Variants in LIPC observed in about 807,000 individuals in gnomAD.
LIPC encodes hepatic triacylglycerol lipase.
LIPC carries 44 observed loss-of-function variants against 50.7 expected under a neutral mutation model. The ratio of observed to expected loss-of-function variants is 0.87; its 90% CI spans 0.68 to 1.11. The LOEUF (loss-of-function observed/expected upper bound fraction) is 1.11. Ranked by LOEUF, LIPC falls within the 50% of genes most tolerant of loss-of-function variation. The pLI is 0.00. For synonymous variants in LIPC, 271 were observed against 256.4 expected (o/e 1.06, Z -0.54); for missense variants, 697 against 648.2 (o/e 1.08, Z -0.82).
rs757699416 is a variant in LIPC, at chr15:58,490,210, G to A, written c.89-48123G>A. Among the ~76,000 whole-genome samples the A allele has an allele frequency of 3.3e-5, 5 of 152,136 alleles. No homozygotes were observed. In the East Asian group the frequency reaches 5.8e-4, roughly 18 times the overall value. On this transcript the variant is annotated intron_variant, in intron 1 of 8. Transcript: ENST00000299022. ...TTAGGACTTAAACATGCGTGGGGTC[G>A]GGAAGATGGCAGGCACAGGGTATCA...
chr15:58,446,374 C>A lies in LIPC; in HGVS notation c.88+14254C>A, dbSNP rs564009833. Among the ~76,000 whole-genome samples the A allele has an allele frequency of 6.6e-5, 10 of 152,220 alleles. No homozygotes were observed. In the South Asian group the frequency reaches 2.1e-3, roughly 32 times the overall value. ...TTACTAAGGACATTCTCCTACATAG[C>A]CCCAGTACCATCACCACACCTCAGA... On this transcript the variant is annotated intron_variant, in intron 1 of 8. Transcript: ENST00000299022.
intron 1 of LIPC, chr15:58,494,910 A>G (rs969442529): frequency 1.5e-5 from 7 of 455,856 alleles, no homozygotes; most frequent in Non-Finnish European, 3.1e-5. Context: ...TACAAAATTA[A>G]ATATTAGTCC....
At chr15:58,564,379 C>G (rs1313480500) in intron 8 of LIPC, among the ~76,000 whole-genome samples, 3 of 152,016 alleles carry the variant, frequency 2.0e-5, no homozygotes, top group Non-Finnish European at 4.4e-5. Context: ...TTTAACATCT[C>G]CCGTGGCCCC....
chr15:58,484,633 C>T (rs1427976579), intron 1 of LIPC, among the ~76,000 whole-genome samples: 1 of 152,240 alleles, frequency 6.6e-6, no homozygotes, highest in African/African-American at 2.4e-5. Context: ...CCCAAGGTTA[C>T]ACAGCCAGTC....
intron 1 of LIPC, among the ~76,000 whole-genome samples, chr15:58,463,090 T>C (rs1894414680): frequency 1.3e-5 from 2 of 152,214 alleles, no homozygotes; most frequent in Non-Finnish European, 2.9e-5. Context: ...TGTGTGGCTG[T>C]TAGAGTGGCA....
chr15:58,547,663 T>C (rs1228768699), intron 5 of LIPC, among the ~76,000 whole-genome samples: 1 of 128,266 alleles, frequency 7.8e-6, no homozygotes, highest in African/African-American at 2.9e-5. Context: ...AAATCCTTAG[T>C]AGATCAACCT....
chr15:58,467,708 T>C (rs991163645), intron 1 of LIPC, among the ~76,000 whole-genome samples: 1 of 152,348 alleles, frequency 6.6e-6, no homozygotes, highest in African/African-American at 2.4e-5. Flanking sequence ...TTCTATGTTT[T>C]ATTTTGGAAA....
chr15:58,502,519 T>TG (rs1171436967), intron 1 of LIPC, among the ~76,000 whole-genome samples: 18 of 151,678 alleles, frequency 1.2e-4, no homozygotes, highest in East Asian at 7.8e-4. Context: ...CTTTTTTTTT[T>TG]TTTGTTTGTT....
At chr15:58,559,773 C>T (rs1046220108) in intron 6 of LIPC, among the ~76,000 whole-genome samples, 3 of 151,750 alleles carry the variant, frequency 2.0e-5, no homozygotes, top group African/African-American at 7.3e-5. Flanking sequence ...CTGGACCCTG[C>T]ATCCAACCCT....
chr15:58,545,724 C>A lies in LIPC; in HGVS notation c.575-18C>A. ...TCTCCTTGCTCCTGCGTAACCCTTA[C>A]CCCTGCTTTCCCATTAGGGCTGGAT... On this transcript the variant is annotated intron_variant, in intron 4 of 8. Transcript: ENST00000299022. 2 of 1,609,056 alleles carry A rather than the reference C, an allele frequency of 1.2e-6. No individual in the cohort carries two copies. The highest frequency in any genetic ancestry group is 2.2e-5 in the South Asian group (2 of 90,996).
chr15:58,546,965 C>G (rs1399222097), intron 5 of LIPC, among the ~76,000 whole-genome samples: 2 of 151,836 alleles, frequency 1.3e-5, no homozygotes, highest in East Asian at 3.9e-4. Flanking sequence ...CAACACCTCC[C>G]CTCCAGCCAC....
At chr15:58,497,663 C>T (rs1566929667) in intron 1 of LIPC, 1 of 152,496 alleles carries the variant, frequency 6.6e-6, no homozygotes, top group Admixed American at 6.5e-5. Context: ...ATATGCCTTT[C>T]CCAGGCTCCA....
At chr15:58,483,823 T>A (rs914284819) in intron 1 of LIPC, among the ~76,000 whole-genome samples, 1 of 152,202 alleles carries the variant, frequency 6.6e-6, no homozygotes. Context: ...GAAAACTTAG[T>A]ATTTTCTAAT....
At chr15:58,568,188 A>G (rs1245457678) in intron 8 of LIPC, among the ~76,000 whole-genome samples, 4 of 152,202 alleles carry the variant, frequency 2.6e-5, no homozygotes, top group Admixed American at 2.6e-4. Context: ...TTAGTGGACA[A>G]TGTCAGCTCC....
At chr15:58,517,039 C>A (rs1035077032) in intron 1 of LIPC, among the ~76,000 whole-genome samples, 2 of 152,214 alleles carry the variant, frequency 1.3e-5, no homozygotes, top group Non-Finnish European at 2.9e-5. Flanking sequence ...TTAGATGGGA[C>A]CAGAACAGCC....
At chr15:58,465,039 G>A (rs1360173708) in intron 1 of LIPC, among the ~76,000 whole-genome samples, 4 of 152,154 alleles carry the variant, frequency 2.6e-5, no homozygotes, top group South Asian at 2.1e-4. Context: ...TCTAAAGTCC[G>A]AATAAAAGAA....
Position 58,560,650 on chromosome 15 carries a change from CACAATATAAGTCCTGAATAG to C in LIPC, c.1052-210_1052-191del, listed in dbSNP as rs3842660. On this transcript the variant is annotated intron_variant, in intron 6 of 8. Coordinates refer to ENST00000299022, the MANE Select transcript of LIPC (RefSeq NM_000236.3). ...ATATTTATCATTATTACATTACAAA[CACAATATAAGTCCTGAATAG>C]ACATTTAGGAAATACAGAGAAGGAA... Among the ~76,000 whole-genome samples the C allele has an allele frequency of 0.95, 143,797 of 151,988 alleles. 68,261 individuals are homozygous for C. Among genetic ancestry groups the C allele is most frequent in the Middle Eastern group, 0.99 (290 of 294 alleles).
rs762303541 is a variant in LIPC, at chr15:58,541,806, T to TTC, written c.295_296insTC (p.Trp99PhefsTer10). ...TCAGGTGGACGGCGTGCTAGAAAAC[T>TTC]GGATCTGGCAGATGGTGGCCGCGCT... On this transcript the variant is annotated frameshift_variant, in exon 3 of 9. Coordinates refer to ENST00000299022, the MANE Select transcript of LIPC (RefSeq NM_000236.3). LOFTEE classifies it high-confidence loss of function. The TTC allele has an allele frequency of 1.2e-6, 2 of 1,613,722 alleles. No homozygotes were observed. The highest frequency in any genetic ancestry group is 1.7e-6 in the Non-Finnish European group (2 of 1,179,986).
chr15:58,567,058 C>T (rs1157521663), intron 8 of LIPC, among the ~76,000 whole-genome samples: 1 of 151,408 alleles, frequency 6.6e-6, no homozygotes, highest in Non-Finnish European at 1.5e-5. Context: ...AAAAATTAGC[C>T]GGGCGTGGTG....
Sources: allele counts gnomAD v4.1 joint callset (sites outside exome capture counted in the v4.1 genomes callset), GRCh38; gene constraint gnomAD v4.1.1; transcripts MANE v1.5; gene names NCBI Gene and HGNC (gene_info 2026-07-23, HGNC 2026-07-21).